Variants in GALNTL6 observed in about 807,000 individuals in gnomAD.
GALNTL6 encodes the protein polypeptide N-acetylgalactosaminyltransferase-like 6.
A neutral mutation model predicts 73.7 loss-of-function variants in GALNTL6; 46 were observed. The observed-to-expected ratio is 0.62, with a 90% CI of 0.49 to 0.80. The LOEUF (loss-of-function observed/expected upper bound fraction) is 0.80, where lower values mean the gene tolerates loss of function less well. Among genes scored for constraint, GALNTL6 ranks in the 30% least tolerant of loss-of-function variants. The pLI, the probability that GALNTL6 is intolerant of heterozygous loss-of-function variation, is 0.00. For synonymous variants in GALNTL6, 259 were observed against 263.7 expected, an observed-to-expected ratio of 0.98 and a Z score of 0.17; for missense variants, 604 against 755.0, an observed-to-expected ratio of 0.80 and a Z score of 2.34.
intron 3 of GALNTL6, among the ~76,000 whole-genome samples, chr4:172,302,390 C>T (rs62329869): frequency 0.41 from 62,895 of 151,888 alleles, 15,141 homozygotes; most frequent in South Asian, 0.64. Context: ...CCCCACTGTC[C>T]GACAATCCCC....
chr4:172,196,931 T>A (rs1735791347), intron 2 of GALNTL6, among the ~76,000 whole-genome samples: 1 of 152,134 alleles, frequency 6.6e-6, no homozygotes, highest in Non-Finnish European at 1.5e-5. Flanking sequence ...TATTGGAACT[T>A]CCCGCCAGGG....
At chr4:171,821,351 A>T (rs1006213696) in intron 2 of GALNTL6, among the ~76,000 whole-genome samples, 3 of 152,044 alleles carry the variant, frequency 2.0e-5, no homozygotes, top group African/African-American at 7.2e-5. Context: ...TTGTGCCCTT[A>T]TTTCTGACAT....
At chr4:172,937,123 C>T (rs899585395) in intron 9 of GALNTL6, among the ~76,000 whole-genome samples, 1 of 151,954 alleles carries the variant, frequency 6.6e-6, no homozygotes, top group Admixed American at 6.6e-5. Flanking sequence ...GGATGCAGAT[C>T]ACAGTGTTGA....
At chr4:172,355,549 C>T (rs919759153) in intron 5 of GALNTL6, among the ~76,000 whole-genome samples, 1 of 152,050 alleles carries the variant, frequency 6.6e-6, no homozygotes, top group Non-Finnish European at 1.5e-5. Context: ...AGAAAAAAAT[C>T]TTATGCTTGC....
chr4:173,035,303 C>G (rs529849996), intron 12 of GALNTL6, among the ~76,000 whole-genome samples: 1 of 152,030 alleles, frequency 6.6e-6, no homozygotes, highest in Admixed American at 6.5e-5. Flanking sequence ...TTCAGCCTCC[C>G]GAGTAGTTGG....
At position 172,632,422 on chromosome 4, in the gene GALNTL6, A is replaced by G. The variant is rs7671571; in HGVS notation, c.554-176939A>G. Among the ~76,000 whole-genome samples the G allele has an allele frequency of 8.5e-3, 1,297 of 152,202 alleles. 16 individuals are homozygous for G. Among genetic ancestry groups the G allele is most frequent in the African/African-American group, 0.026 (1,088 of 41,520 alleles). On this transcript the variant is annotated intron_variant, in intron 5 of 12. Transcript: ENST00000506823. ...GAGGCGGTCTAGGATGGAGATGAGG[A>G]ACTTGCTGGGTACTGGAGTAAAGGT... is the stretch of plus-strand genomic sequence containing the variant.
chr4:172,355,613 C>G (rs1283346019), intron 5 of GALNTL6, among the ~76,000 whole-genome samples: 2 of 151,988 alleles, frequency 1.3e-5, no homozygotes, highest in Admixed American at 6.6e-5. Context: ...ATGAAATAAG[C>G]AAAACATACT....
intron 3 of GALNTL6, among the ~76,000 whole-genome samples, chr4:172,296,217 C>A (rs1739666778): frequency 6.6e-6 from 1 of 151,994 alleles, no homozygotes; most frequent in Non-Finnish European, 1.5e-5. Flanking sequence ...AATATTTTGC[C>A]TATATTGAGA....
chr4:172,250,838 CAG>C (rs945414992), intron 3 of GALNTL6, among the ~76,000 whole-genome samples: 4 of 152,082 alleles, frequency 2.6e-5, no homozygotes, highest in African/African-American at 9.7e-5. Flanking sequence ...TGATAAAAAA[CAG>C]AGCAAGTTTT....
intron 5 of GALNTL6, among the ~76,000 whole-genome samples, chr4:172,799,284 G>A (rs1740468528): frequency 6.6e-6 from 1 of 152,190 alleles, no homozygotes; most frequent in African/African-American, 2.4e-5. Context: ...TGGAAGCTGA[G>A]AAGTTTTCAA....
At chr4:172,701,848 A>G (rs1734048903) in intron 5 of GALNTL6, among the ~76,000 whole-genome samples, 1 of 152,130 alleles carries the variant, frequency 6.6e-6, no homozygotes, top group South Asian at 2.1e-4. Flanking sequence ...AAATAAATAA[A>G]TAAGAATAAA....
chr4:172,305,508 A>G (rs562042405), intron 3 of GALNTL6, among the ~76,000 whole-genome samples: 4 of 152,310 alleles, frequency 2.6e-5, no homozygotes, highest in African/African-American at 9.6e-5. Flanking sequence ...TATAAATTTT[A>G]GTGTTGAAAT....
chr4:172,521,803 T>C (rs1376501551), intron 5 of GALNTL6, among the ~76,000 whole-genome samples: 1 of 152,240 alleles, frequency 6.6e-6, no homozygotes, highest in South Asian at 2.1e-4. Flanking sequence ...CTTCATTTTA[T>C]GTTGGACTGA....
chr4:172,920,169 T>A (rs552626302), intron 8 of GALNTL6, among the ~76,000 whole-genome samples: 3 of 152,318 alleles, frequency 2.0e-5, no homozygotes, highest in East Asian at 3.9e-4. Context: ...ATATTCTCAT[T>A]ATAGACTATA....
At chr4:171,839,522 G>C (rs891263425) in intron 2 of GALNTL6, among the ~76,000 whole-genome samples, 1 of 151,788 alleles carries the variant, frequency 6.6e-6, no homozygotes, top group Non-Finnish European at 1.5e-5. Flanking sequence ...TTTGATCTTG[G>C]TAACTCTACT....
intron 4 of GALNTL6, among the ~76,000 whole-genome samples, chr4:172,347,443 TTC>T (rs1242893557): frequency 6.6e-6 from 1 of 152,224 alleles, no homozygotes; most frequent in Non-Finnish European, 1.5e-5. Flanking sequence ...AGTGTAATGG[TTC>T]TCACAAGTAG....
At chr4:171,859,921 C>CT (rs1245669529) in intron 2 of GALNTL6, among the ~76,000 whole-genome samples, 4 of 152,166 alleles carry the variant, frequency 2.6e-5, no homozygotes, top group Admixed American at 6.5e-5. Flanking sequence ...ACAATATGGC[C>CT]TGAGGCCTCG....
intron 5 of GALNTL6, among the ~76,000 whole-genome samples, chr4:172,410,453 G>C (rs1253017249): frequency 1.3e-5 from 2 of 151,856 alleles, no homozygotes; most frequent in Non-Finnish European, 2.9e-5. Flanking sequence ...AAATATTATT[G>C]GTCTTTATGT....
At chr4:172,228,274 G>A (rs1736935826) in intron 2 of GALNTL6, among the ~76,000 whole-genome samples, 1 of 151,530 alleles carries the variant, frequency 6.6e-6, no homozygotes, top group South Asian at 2.1e-4. Context: ...AAAATTATCA[G>A]TATTCCTGAT....
Sources: allele counts gnomAD v4.1 joint callset (sites outside exome capture counted in the v4.1 genomes callset), GRCh38; gene constraint gnomAD v4.1.1; transcripts MANE v1.5; gene names NCBI Gene and HGNC (gene_info 2026-07-23, HGNC 2026-07-21).